LAMA3: variants seen among roughly 807,000 people sequenced by gnomAD.
LAMA3 encodes the protein laminin subunit alpha-3.
Under a neutral mutation model 402.0 loss-of-function variants are expected in LAMA3, and 281 were observed. The ratio of observed to expected loss-of-function variants is 0.70; its 90% confidence interval spans 0.63 to 0.77. The LOEUF (loss-of-function observed/expected upper bound fraction) is 0.77, where lower values mean the gene tolerates loss of function less well. LAMA3 is among the 30% of genes least tolerant of loss of function. The pLI is 0.00. For missense variants in LAMA3, 3,840 were observed against 4,215.5 expected (o/e 0.91, Z 2.47); for synonymous variants, 1,431 against 1,558.4 (o/e 0.92, Z 1.93).
intron 42 of LAMA3, among the ~76,000 whole-genome samples, chr18:23,893,450 G>A (rs2080762731): frequency 6.6e-6 from 1 of 152,098 alleles, no homozygotes; most frequent in African/African-American, 2.4e-5. Context: ...AGGCATGGTG[G>A]TGCGCGCCTG....
intron 8 of LAMA3, among the ~76,000 whole-genome samples, 196 bp from the exon 9 acceptor site, chr18:23,773,301 T>A (rs1230867078): frequency 6.6e-6 from 1 of 152,244 alleles, no homozygotes; most frequent in East Asian, 1.9e-4. Context: ...AGAAAAAAAT[T>A]CCAGAGCCAA....
chr18:23,737,039 C>T (rs1486991946), intron 2 of LAMA3, among the ~76,000 whole-genome samples: 1 of 152,152 alleles, frequency 6.6e-6, no homozygotes, highest in Non-Finnish European at 1.5e-5. Flanking sequence ...CCACTAGTCC[C>T]CTCCTCCAGT....
intron 11 of LAMA3, among the ~76,000 whole-genome samples, chr18:23,779,082 G>A (rs1398767076): frequency 6.6e-6 from 1 of 152,156 alleles, no homozygotes; most frequent in Non-Finnish European, 1.5e-5. Context: ...AAAGAGACCA[G>A]GTGTGTGAAA....
At chr18:23,889,079 A>G (rs2080548382) in intron 41 of LAMA3, among the ~76,000 whole-genome samples, 1 of 152,160 alleles carries the variant, frequency 6.6e-6, no homozygotes, top group Non-Finnish European at 1.5e-5. Flanking sequence ...CAGTTGTTTA[A>G]GAGTCATTAT....
At chr18:23,948,399 G>A (rs1024115226) in intron 70 of LAMA3, among the ~76,000 whole-genome samples, 1 of 152,078 alleles carries the variant, frequency 6.6e-6, no homozygotes, top group African/African-American at 2.4e-5. Flanking sequence ...AGCCCTTAGG[G>A]ATCAATGCTG....
chr18:23,758,348 T>C, intron 6 of LAMA3, 48 bp from the exon 7 acceptor site: 1 of 1,411,762 alleles, frequency 7.1e-7, no homozygotes, highest in Non-Finnish European at 9.9e-7. Context: ...CAACTGATCC[T>C]CATCAAAACT....
Position 23,839,748 on chromosome 18 carries a change from T to G in LAMA3, c.3192-37T>G. On this transcript the variant is annotated intron_variant, in intron 26 of 74. Transcript: ENST00000313654. The surrounding 1 kb of genome is among the most constrained non-coding windows in gnomAD (Gnocchi z 4.5). ...TGGTCAGTTCTGTAGCTTTGGGTTC[T>G]TTTAAAAATCAGATTTTTAAATATT... The G allele has an allele frequency of 6.2e-7, 1 of 1,612,156 alleles. No homozygotes were observed. Among genetic ancestry groups the G allele is most frequent in the South Asian group, 1.1e-5 (1 of 91,012 alleles).
At chr18:23,928,458 C>T (rs2082071817) in intron 63 of LAMA3, among the ~76,000 whole-genome samples, 167 bp from the exon 64 acceptor site, 1 of 152,212 alleles carries the variant, frequency 6.6e-6, no homozygotes, top group African/African-American at 2.4e-5. Context: ...TACACAAAAA[C>T]TTACAGATGA....
intron 1 of LAMA3, among the ~76,000 whole-genome samples, chr18:23,695,207 T>C (rs1711455): frequency 0.6 from 90,613 of 151,968 alleles, 27,502 homozygotes; most frequent in Middle Eastern, 0.67. Flanking sequence ...ATTTTGGTCT[T>C]GTAGCCTCCA....
chr18:23,758,435 G>T lies in LAMA3; in HGVS notation c.987G>T (p.Thr329=), dbSNP rs926067937. The change falls in exon 7 of 75, where the codon ACG becomes ACT. Residue 329 remains threonine, a synonymous_variant. Transcript: ENST00000313654. ...GCCAGCACCACACCTGTGGGGAGAC[G>T]TGTGATCGCTGCTGCACAGGGTACA... is the stretch of plus-strand genomic sequence containing the variant. The part of the protein sequence containing the change: ...CECQHHTCGE[T]CDRCCTGYNQ... The T allele has an allele frequency of 6.2e-7, 1 of 1,614,206 alleles. No homozygotes were observed. The highest frequency in any genetic ancestry group is 8.5e-7 in the Non-Finnish European group (1 of 1,180,028).
rs185356219 is a variant in LAMA3 at position 23,770,483 on chromosome 18, C to T, written c.1183-3014C>T. Among the ~76,000 whole-genome samples, 443 of 152,198 alleles carry T rather than the reference C, an allele frequency of 2.9e-3. 2 individuals are homozygous for T. The highest frequency in any genetic ancestry group is 0.01 in the African/African-American group (426 of 41,544). On this transcript the variant is annotated intron_variant, in intron 8 of 74. Coordinates refer to ENST00000313654, the MANE Select transcript of LAMA3 (RefSeq NM_198129.4). ...TGTACATCAAAGAGCTTAACAAGGC[C>T]GGGTGCTGTGGCTCACGCCTGTAAT...
intron 62 of LAMA3, 73 bp downstream of exon 62, chr18:23,921,658 T>C (rs1033328493): frequency 2.0e-6 from 3 of 1,491,030 alleles, no homozygotes; most frequent in African/African-American, 2.8e-5. Context: ...AAAAATCTGG[T>C]CTGCCATTTT....
chr18:23,901,105 A>G (rs2081054255), intron 47 of LAMA3, 22 bp from the exon 48 acceptor site: 1 of 1,604,586 alleles, frequency 6.2e-7, no homozygotes, highest in South Asian at 1.1e-5. Flanking sequence ...TCAAATAGAA[A>G]ACATGAGGTG....
chr18:23,873,120 C>A lies in LAMA3; in HGVS notation c.4998+1459C>A, dbSNP rs148634422. On this transcript the variant is annotated intron_variant, in intron 38 of 74. Transcript: ENST00000313654. ...CTTTGGGGCAGCCCTGGGGCAGTGT[C>A]TGGGCTACAGTTCACAGCAGCAAAG... 237 of 1,614,236 alleles carry A rather than the reference C, an allele frequency of 1.5e-4. 1 individual carries two copies. In the African/African-American group the frequency reaches 2.6e-3, roughly 18 times the overall value.
intron 24 of LAMA3, among the ~76,000 whole-genome samples, chr18:23,835,267 A>G (rs1323608038): frequency 6.6e-6 from 1 of 152,138 alleles, no homozygotes; most frequent in Non-Finnish European, 1.5e-5. Flanking sequence ...TGGCTTGACT[A>G]CTGTTGCTCA....
intron 27 of LAMA3, among the ~76,000 whole-genome samples, chr18:23,840,975 G>A (rs2063688854): frequency 6.6e-6 from 1 of 152,136 alleles, no homozygotes; most frequent in Non-Finnish European, 1.5e-5. Context: ...TCAGATTTTG[G>A]AGCATTTTGG....
At chr18:23,904,185 C>T in intron 50 of LAMA3, 98 bp downstream of exon 50, 1 of 1,408,466 alleles carries the variant, frequency 7.1e-7, no homozygotes, top group Non-Finnish European at 1.0e-6. Flanking sequence ...GCTGGGTCTC[C>T]AGAACTGGGT....
chr18:23,702,827 C>G (rs1325155793), intron 1 of LAMA3, among the ~76,000 whole-genome samples: 1 of 152,228 alleles, frequency 6.6e-6, no homozygotes, highest in Admixed American at 6.5e-5. Flanking sequence ...CCAGCATCCC[C>G]TCTTGGGCTA....
intron 1 of LAMA3, among the ~76,000 whole-genome samples, chr18:23,692,606 A>G (rs371268558): frequency 3.3e-5 from 5 of 152,168 alleles, no homozygotes; most frequent in Admixed American, 2.0e-4. Context: ...TTCAAGACTC[A>G]CTGCAAATCT....
Sources: gnomAD v4.1 joint callset for allele counts (sites outside exome capture counted in the v4.1 genomes callset) on GRCh38, gnomAD v4.1.1 for gene constraint, Gnocchi (gnomAD v3.1) non-coding constraint, MANE v1.5 for transcripts, NCBI Gene and HGNC (gene_info 2026-07-23, HGNC 2026-07-21) for gene names.